The following ARID1A variants were observed in gnomAD, a reference collection of about 807,000 sequenced individuals.
ARID1A encodes the protein AT-rich interactive domain-containing protein 1A.
Under a neutral mutation model 212.6 loss-of-function variants are expected in ARID1A, and 20 were observed. The ratio of observed to expected loss-of-function variants is 0.09; its 90% CI spans 0.07 to 0.14. The LOEUF (loss-of-function observed/expected upper bound fraction) is 0.14, where lower values mean the gene tolerates loss of function less well. Ranked by LOEUF, ARID1A falls within the 10% of genes least tolerant of loss-of-function variation. The pLI is 1.00. For missense variants in ARID1A, 2,587 were observed against 3,059.0 expected (o/e 0.85, Z 3.64); for synonymous variants, 1,376 against 1,222.1 (o/e 1.13, Z -2.63).
chr1:26,727,401 A>G (rs1260764333), intron 1 of ARID1A, among the ~76,000 whole-genome samples: 2 of 152,234 alleles, frequency 1.3e-5, no homozygotes, highest in East Asian at 3.9e-4. Flanking sequence ...GTGAATTTAA[A>G]TTAATTAAAT....
chr1:26,734,270 T>G (rs1218504216), intron 4 of ARID1A, among the ~76,000 whole-genome samples: 1 of 152,046 alleles, frequency 6.6e-6, no homozygotes, highest in Non-Finnish European at 1.5e-5. Flanking sequence ...TTTCTGTCAG[T>G]GCTGTAAGTT....
chr1:26,726,527 C>T (rs573380427), intron 1 of ARID1A, among the ~76,000 whole-genome samples: 1 of 152,288 alleles, frequency 6.6e-6, no homozygotes, highest in African/African-American at 2.4e-5. Flanking sequence ...ATCCTTCTTT[C>T]TCATCTTTCA....
chr1:26,696,043 A>T lies in ARID1A; in HGVS notation c.-361A>T. 1 of 726,138 alleles carries T rather than the reference A, an allele frequency of 1.4e-6. No homozygotes were observed. Among genetic ancestry groups the T allele is most frequent in the South Asian group, 6.2e-5 (1 of 16,148 alleles). The allele number at this position is 726,138 out of a possible 1,614,324, so 45.0% of individuals were successfully genotyped here. A position where few individuals can be genotyped will look rare whatever the true frequency, so the allele number is the denominator to read the frequency against. On this transcript the variant is annotated 5_prime_UTR_variant, in exon 1 of 20. Coordinates refer to ENST00000324856, the MANE Select transcript of ARID1A (RefSeq NM_006015.6). Reference sequence around the variant, plus strand: ...CTTTCTCCGGCAGCAGAAAGCGGAGAGTCACAGCGGGGCCAGGCCCTGGGG... The same window carrying T: ...CTTTCTCCGGCAGCAGAAAGCGGAGTGTCACAGCGGGGCCAGGCCCTGGGG...
chr1:26,698,247 C>T (rs983125263), intron 1 of ARID1A, among the ~76,000 whole-genome samples: 1 of 152,228 alleles, frequency 6.6e-6, no homozygotes, highest in Non-Finnish European at 1.5e-5. Flanking sequence ...AGCCAGGAGA[C>T]AGTTGGTCTT....
At position 26,761,005 on chromosome 1, in the gene ARID1A, T is replaced by C. The variant is rs1364185212; in HGVS notation, c.2070T>C (p.Pro690=). 3 of 1,614,056 alleles carry C rather than the reference T, an allele frequency of 1.9e-6. No individual in the cohort carries two copies. In the Admixed American group the frequency reaches 5.0e-5, roughly 27 times the overall value. The change falls in exon 5 of 20, where the codon CCT becomes CCC. Residue 690 remains proline (P), a synonymous_variant. Transcript: ENST00000324856. ...CTCCTCATACCTCCCCTCACCTGCC[T>C]GGCATCCGAGGCCCTTCCCCGTCCC... ...PFSPHTSPHL[P]GIRGPSPSPV...
At chr1:26,775,788 A>G (rs776370168) in intron 19 of ARID1A, 81 bp downstream of exon 19, 15 of 1,596,702 alleles carry the variant, frequency 9.4e-6, no homozygotes, top group Non-Finnish European at 1.3e-5. Context: ...ATCTTTAGCC[A>G]CCTTGGTCTT....
intron 4 of ARID1A, among the ~76,000 whole-genome samples, chr1:26,751,847 C>T (rs192510550): frequency 7.9e-5 from 12 of 152,194 alleles, no homozygotes; most frequent in African/African-American, 2.9e-4. Flanking sequence ...CAAGAAGAGT[C>T]TTAACCCTTC....
intron 1 of ARID1A, among the ~76,000 whole-genome samples, chr1:26,718,758 A>C (rs988639300): frequency 6.6e-6 from 1 of 152,198 alleles, no homozygotes; most frequent in Admixed American, 6.5e-5. Context: ...TCGTAGGCCT[A>C]CTAACTACAT....
intron 1 of ARID1A, 42 bp downstream of exon 1, chr1:26,697,582 C>G (rs989058750): frequency 7.8e-7 from 1 of 1,282,392 alleles, no homozygotes; most frequent in Non-Finnish European, 9.8e-7. Context: ...GAGCGTGGTC[C>G]TGGGGGTGGG....
intron 1 of ARID1A, among the ~76,000 whole-genome samples, chr1:26,713,933 C>T (rs1456728805): frequency 1.3e-5 from 2 of 152,166 alleles, no homozygotes; most frequent in African/African-American, 4.8e-5. Context: ...AACATAAAAC[C>T]TCAAGTGACC....
rs373642098 is a variant in ARID1A at position 26,759,500 on chromosome 1, G to A, written c.1921-1356G>A. 3.9e-5 allele frequency among the ~76,000 whole-genome samples: 6 copies of A among 152,272 alleles called. No homozygotes were observed. The East Asian group carries it at 7.7e-4, about 20-fold the overall frequency. On this transcript the variant is annotated intron_variant, in intron 4 of 19. Transcript: ENST00000324856. ...TGGGACTACAGGCATGAGCCACTGCGCGTGGCCCAGTGTGTTTCTTTAAGA... is the reference window on the plus strand; with the variant it reads ...TGGGACTACAGGCATGAGCCACTGCACGTGGCCCAGTGTGTTTCTTTAAGA...
rs545371652 is a variant in ARID1A at position 26,716,281 on chromosome 1, CACTT to C, written c.1138-13366_1138-13363del. On this transcript the variant is annotated intron_variant, in intron 1 of 19. Coordinates refer to ENST00000324856, the MANE Select transcript of ARID1A (RefSeq NM_006015.6). The stretch of plus-strand genomic sequence containing the variant: ...CTAGTTGCTTACATTAATGCAAAAA[CACTT>C]ACTGAGCTTCTACAGTGAATCAGAT... 3.7e-3 allele frequency among the ~76,000 whole-genome samples: 565 copies of C among 150,802 alleles called. 2 individuals carry two copies. The highest frequency in any genetic ancestry group is 0.012 in the African/African-American group (500 of 41,076).
intron 1 of ARID1A, among the ~76,000 whole-genome samples, chr1:26,718,674 G>A (rs1005867462): frequency 1.3e-5 from 2 of 152,122 alleles, no homozygotes; most frequent in Non-Finnish European, 2.9e-5. Context: ...TATTATGTAA[G>A]TAGTTGTTAT....
chr1:26,721,947 T>C (rs1410029375), intron 1 of ARID1A, among the ~76,000 whole-genome samples: 1 of 152,218 alleles, frequency 6.6e-6, no homozygotes, highest in South Asian at 2.1e-4. Context: ...TTGGTCTCCT[T>C]CTTCTAACCT....
chr1:26,714,075 T>A (rs2080478740), intron 1 of ARID1A, among the ~76,000 whole-genome samples: 1 of 152,084 alleles, frequency 6.6e-6, no homozygotes, highest in Non-Finnish European at 1.5e-5. Flanking sequence ...AAAAAGAGAG[T>A]TAAATGTTGG....
chr1:26,697,272 C>T lies in ARID1A; in HGVS notation c.869C>T (p.Thr290Ile), dbSNP rs1557571082. 7.3e-7 allele frequency: 1 copy of T among 1,367,634 alleles called. No individual in the cohort carries two copies. The highest frequency in any genetic ancestry group is 9.4e-7 in the Non-Finnish European group (1 of 1,067,806). The allele number at this position is 1,367,634 out of a possible 1,614,324, so 84.7% of individuals were successfully genotyped here. The change falls in exon 1 of 20, where the codon ACC (threonine) becomes ATC (isoleucine). Residue 290 changes from threonine (T) to isoleucine (I), a missense_variant. Coordinates refer to ENST00000324856, the MANE Select transcript of ARID1A (RefSeq NM_006015.6). ...SAAGGGTPQP[T>I]ATPTLNQLLT... ...GCCGGCGGGGGAACTCCCCAGCCCA[C>T]CGCCACCCCCACCCTCAACCAACTG... is the stretch of plus-strand genomic sequence containing the variant.
At chr1:26,766,166 T>G in intron 8 of ARID1A, 55 bp from the exon 9 acceptor site, 1 of 1,572,290 alleles carries the variant, frequency 6.4e-7, no homozygotes, top group Non-Finnish European at 8.6e-7. Flanking sequence ...CCAGTTCAAA[T>G]CTAAAAGCTC....
At chr1:26,742,752 T>A (rs2080800023) in intron 4 of ARID1A, among the ~76,000 whole-genome samples, 1 of 151,964 alleles carries the variant, frequency 6.6e-6, no homozygotes, top group Admixed American at 6.6e-5. Flanking sequence ...GGGTGGATCA[T>A]GAGGTCGGGA....
At position 26,781,700 on chromosome 1, in the gene ARID1A, A is replaced by G. The variant is rs1002408607; in HGVS notation, c.*944A>G. ...CTACCCCTTTATAGTATGACGAGTT[A>G]ACAAGTTGGTGACCTGCACAAAGCG... On this transcript the variant is annotated 3_prime_UTR_variant, in exon 20 of 20. Coordinates refer to ENST00000324856, the MANE Select transcript of ARID1A (RefSeq NM_006015.6). 4.3e-6 allele frequency: 1 copy of G among 233,682 alleles called. No homozygotes were observed. The highest frequency in any genetic ancestry group is 2.2e-5 in the African/African-American group (1 of 45,348). The allele number at this position is 233,682 out of a possible 1,614,324, so 14.5% of individuals were successfully genotyped here.
Sources: gnomAD v4.1 joint callset for allele counts (sites outside exome capture counted in the v4.1 genomes callset) on GRCh38, gnomAD v4.1.1 for gene constraint, MANE v1.5 for transcripts, NCBI Gene and HGNC (gene_info 2026-07-23, HGNC 2026-07-21) for gene names.